The following PHKB variants were observed in gnomAD, a reference collection of about 807,000 sequenced individuals.
The protein encoded by PHKB is phosphorylase kinase regulatory subunit beta, also known as phosphorylase b kinase regulatory subunit beta.
PHKB carries 122 observed loss-of-function variants against 152.1 expected under a neutral mutation model. That is an observed-to-expected ratio of 0.80 (90% CI 0.69 to 0.93). The LOEUF (loss-of-function observed/expected upper bound fraction) is 0.93, where lower values mean the gene tolerates loss of function less well. Among genes scored for constraint, PHKB ranks in the 40% least tolerant of loss-of-function variants. The pLI is 0.00. For missense variants in PHKB, 1,304 were observed against 1,328.4 expected (o/e 0.98, Z 0.29); for synonymous variants, 436 against 464.9 (o/e 0.94, Z 0.80).
intron 18 of PHKB, 28 bp downstream of exon 18, chr16:47,649,232 TGG>T: frequency 3.4e-6 from 4 of 1,169,790 alleles, no homozygotes; most frequent in Non-Finnish European, 5.2e-6. Context: ...TTCTTAAAAA[TGG>T]AATGAGTTTG....
chr16:47,695,150 C>G lies in PHKB; in HGVS notation c.2896-1231C>G, dbSNP rs77957812. 3.0e-3 allele frequency among the ~76,000 whole-genome samples: 452 copies of G among 152,228 alleles called. 3 individuals carry two copies. The highest frequency in any genetic ancestry group is 0.01 in the African/African-American group (433 of 41,550). The stretch of plus-strand genomic sequence containing the variant: ...ACCCCTGGCAGTGTAGCTGCTGAGC[C>G]TTTTCTCTTAACTTCTCTGCTACAC... On this transcript the variant is annotated intron_variant, in intron 28 of 30. Transcript: ENST00000323584.
chr16:47,514,573 G>A (rs1970564043), intron 5 of PHKB, among the ~76,000 whole-genome samples: 1 of 152,168 alleles, frequency 6.6e-6, no homozygotes, highest in South Asian at 2.1e-4. Context: ...GGCACCTGCC[G>A]ACCTTGAGAA....
chr16:47,689,290 G>C (rs1401573339), intron 27 of PHKB, 115 bp downstream of exon 27: 2 of 1,014,522 alleles, frequency 2.0e-6, no homozygotes, highest in Non-Finnish European at 3.0e-6. Context: ...ATTCAACAGA[G>C]TGTCAGAGGC....
intron 20 of PHKB, among the ~76,000 whole-genome samples, chr16:47,655,129 G>A (rs574708402): frequency 5.9e-5 from 9 of 152,062 alleles, no homozygotes; most frequent in Non-Finnish European, 1.2e-4. Flanking sequence ...TGATGGCAGA[G>A]GATAGGTAAA....
intron 8 of PHKB, among the ~76,000 whole-genome samples, chr16:47,581,675 G>GT (rs534662700): frequency 2.3e-3 from 350 of 152,040 alleles, no homozygotes; most frequent in African/African-American, 8.2e-3. Context: ...TGTTGCTATT[G>GT]TTTTTTTTAT....
rs541878848 is a variant in PHKB, at chr16:47,540,246, C to T, written c.595-7187C>T. ...CAGGTTTATTAGGGTGTGGAAAAACCTCCCTCCCCCCTCCCCGGTAAATTT... is the reference window on the plus strand; with the variant it reads ...CAGGTTTATTAGGGTGTGGAAAAACTTCCCTCCCCCCTCCCCGGTAAATTT... On this transcript the variant is annotated intron_variant, in intron 6 of 30. Transcript: ENST00000323584. 8.0e-4 allele frequency among the ~76,000 whole-genome samples: 117 copies of T among 146,978 alleles called. 1 individual carries two copies. The highest frequency in any genetic ancestry group is 2.8e-3 in the African/African-American group (112 of 40,124).
chr16:47,512,162 A>G (rs758442345), intron 5 of PHKB, among the ~76,000 whole-genome samples: 8 of 152,210 alleles, frequency 5.3e-5, no homozygotes, highest in Non-Finnish European at 1.2e-4. Flanking sequence ...GAGCCCTGTC[A>G]TAGAAGATTT....
At chr16:47,571,514 A>G (rs9921523) in intron 7 of PHKB, among the ~76,000 whole-genome samples, 2,516 of 152,248 alleles carry the variant, frequency 0.017, 71 homozygotes, top group African/African-American at 0.056. Flanking sequence ...TAGATCAGAC[A>G]AGCACCTCTG....
At chr16:47,502,797 G>A (rs1597035563) in intron 3 of PHKB, among the ~76,000 whole-genome samples, 194 bp from the exon 4 acceptor site, 1 of 152,244 alleles carries the variant, frequency 6.6e-6, no homozygotes, top group East Asian at 1.9e-4. Context: ...ATCTGCCTAA[G>A]TTTCATCATA....
intron 30 of PHKB, 56 bp downstream of exon 30, chr16:47,698,644 A>G (rs1236859005): frequency 7.7e-6 from 10 of 1,291,134 alleles, no homozygotes; most frequent in Middle Eastern, 2.5e-4. Flanking sequence ...CATTGTCTCA[A>G]TTCTTTAAAA....
intron 1 of PHKB, among the ~76,000 whole-genome samples, chr16:47,471,063 TA>T (rs1969758321): frequency 6.6e-6 from 1 of 152,150 alleles, no homozygotes; most frequent in Admixed American, 6.5e-5. Context: ...AACTAACCCT[TA>T]AGTGGTTACT....
chr16:47,581,009 A>G (rs1295235981), intron 8 of PHKB, among the ~76,000 whole-genome samples: 2 of 152,222 alleles, frequency 1.3e-5, no homozygotes. Context: ...CTCTGGATCA[A>G]GAAGTAGGCC....
At chr16:47,544,863 C>A (rs982618013) in intron 6 of PHKB, among the ~76,000 whole-genome samples, 1 of 152,128 alleles carries the variant, frequency 6.6e-6, no homozygotes, top group Non-Finnish European at 1.5e-5. Flanking sequence ...TTCTTTGTCT[C>A]TTTTGATCTT....
Position 47,498,235 on chromosome 16 carries a change from CATTTT to C in PHKB, c.166+751_166+755del, listed in dbSNP as rs1028867921. ...AGATTCTTGCTTGCATTAAGTTGCC[CATTTT>C]ATTATCTTTTTGGCAATAACTAGCT... On this transcript the variant is annotated intron_variant, in intron 2 of 30. Transcript: ENST00000323584. 4.4e-4 allele frequency among the ~76,000 whole-genome samples: 67 copies of C among 152,232 alleles called. 1 individual carries two copies. The highest frequency in any genetic ancestry group is 1.6e-3 in the African/African-American group (67 of 41,554).
At chr16:47,696,345 C>T (rs759148109) in intron 28 of PHKB, 36 bp from the exon 29 acceptor site, 10 of 974,086 alleles carry the variant, frequency 1.0e-5, no homozygotes, top group Admixed American at 8.4e-5. Flanking sequence ...CAGAGCATAA[C>T]GGTTCAGCAT....
intron 13 of PHKB, among the ~76,000 whole-genome samples, chr16:47,605,710 A>G (rs1972309969): frequency 6.6e-6 from 1 of 152,218 alleles, no homozygotes; most frequent in Admixed American, 6.5e-5. Context: ...AAATTTTGAA[A>G]AAGTGTATTT....
At chr16:47,477,177 C>G (rs1004238382) in intron 1 of PHKB, among the ~76,000 whole-genome samples, 34 of 152,260 alleles carry the variant, frequency 2.2e-4, no homozygotes, top group Admixed American at 2.0e-3. Context: ...CAATTAATTG[C>G]TCTACTGGTT....
At chr16:47,541,819 A>G (rs1971064749) in intron 6 of PHKB, among the ~76,000 whole-genome samples, 1 of 151,764 alleles carries the variant, frequency 6.6e-6, no homozygotes, top group African/African-American at 2.4e-5. Context: ...GTCTGTTCAT[A>G]TCCTTTGCCC....
intron 14 of PHKB, among the ~76,000 whole-genome samples, chr16:47,618,772 C>G (rs1972566617): frequency 6.6e-6 from 1 of 152,170 alleles, no homozygotes; most frequent in South Asian, 2.1e-4. Flanking sequence ...TACAAAATAC[C>G]ATATTATCCC....
Sources: gnomAD v4.1 joint callset for allele counts (sites outside exome capture counted in the v4.1 genomes callset) on GRCh38, gnomAD v4.1.1 for gene constraint, MANE v1.5 for transcripts, NCBI Gene and HGNC (gene_info 2026-07-23, HGNC 2026-07-21) for gene names.